VWA3B: variants seen among roughly 807,000 people sequenced by gnomAD.
VWA3B encodes von Willebrand factor A domain-containing protein 3B.
VWA3B carries 138 observed loss-of-function variants against 158.3 expected under a neutral mutation model. That is an observed-to-expected ratio of 0.87 (90% CI 0.76 to 1.00). VWA3B has a LOEUF of 1.00. VWA3B is among the 50% of genes least tolerant of loss of function. VWA3B has a pLI of 0.00. For missense variants in VWA3B, 1,555 were observed against 1,565.1 expected (o/e 0.99, Z 0.11); for synonymous variants, 596 against 587.3 (o/e 1.01, Z -0.21).
intron 12 of VWA3B, chr2:98,207,003 A>T (rs1683077330): frequency 2.0e-6 from 1 of 490,502 alleles, no homozygotes; most frequent in Non-Finnish European, 4.1e-6. Context: ...CTCTGACTGG[A>T]CTGACTGTGG....
chr2:98,318,769 T>C, the VWA3B span, among the ~76,000 whole-genome samples: 2 of 152,154 alleles, frequency 1.3e-5, no homozygotes, highest in African/African-American at 4.8e-5. Context: ...GAAAGGCAAA[T>C]GGACTAGGTG....
At position 98,228,221 on chromosome 2, in the gene VWA3B, T is replaced by C. The variant is rs1157320652; in HGVS notation, c.2039T>C (p.Leu680Ser). ...TGGCAGAATGAAGATCTGACTCTTT[T>C]AGTTAAGGAAATGGAACAGGGTCAC... ...EAVQNEDLTL[L>S]VKEMEQGHSD... Residue 680 changes from leucine (L) to serine (S), a missense_variant, in exon 15 of 28, where the codon TTA becomes TCA. By Grantham distance (145) the Leu-to-Ser change is moderately radical. Coordinates refer to ENST00000477737, the MANE Select transcript of VWA3B (RefSeq NM_144992.5). The C allele has an allele frequency of 1.9e-6, 3 of 1,613,134 alleles. No homozygotes were observed. The highest frequency in any genetic ancestry group is 2.5e-6 in the Non-Finnish European group (3 of 1,179,696).
chr2:98,272,781 C>T lies in VWA3B; in HGVS notation c.3045+1898C>T, dbSNP rs142176286. On this transcript the variant is annotated intron_variant, in intron 22 of 27. Coordinates refer to ENST00000477737, the MANE Select transcript of VWA3B (RefSeq NM_144992.5). ...ATATGCCATGTAAATATATATATGC[C>T]ATAATACCACAAGCTGGCTAGACCA... Among the ~76,000 whole-genome samples, 812 of 152,214 alleles carry T rather than the reference C, an allele frequency of 5.3e-3. 8 individuals are homozygous for T. Among genetic ancestry groups the T allele is most frequent in the African/African-American group, 0.017 (691 of 41,526 alleles).
chr2:98,211,881 A>C, intron 12 of VWA3B, 49 bp from the exon 13 acceptor site: 1 of 1,506,778 alleles, frequency 6.6e-7, no homozygotes, highest in South Asian at 1.2e-5. Context: ...TTGTTTGTGA[A>C]TTCTTTTTTG....
At position 98,298,021 on chromosome 2, in the gene VWA3B, C is replaced by T. The variant is rs377632797; in HGVS notation, c.3272C>T (p.Pro1091Leu). ...ITPVGGAMPCPLLQVGDYVFA... is the reference protein window; with the variant it reads ...ITPVGGAMPCLLLQVGDYVFA... ...CCTGTGGGGGGCGCCATGCCCTGCC[C>T]GCTGCTCCAGGTACCCAGTCCCTGA... Residue 1091 changes from proline (P) to leucine (L), a missense_variant, in exon 24 of 28, where the codon CCG becomes CTG. Transcript: ENST00000477737. The T allele has an allele frequency of 3.2e-5, 50 of 1,561,642 alleles. 1 individual carries two copies. Among genetic ancestry groups the T allele is most frequent in the Middle Eastern group, 1.8e-4 (1 of 5,644 alleles).
rs963963449 is a variant in VWA3B at position 98,098,984 on chromosome 2, TTAACTC to T, written c.196+5699_196+5704del. On this transcript the variant is annotated intron_variant, in intron 2 of 27. Transcript: ENST00000477737. The stretch of plus-strand genomic sequence containing the variant: ...TTTGATCACAAAAACCTTCTAAACT[TTAACTC>T]TATCCCCCAATTTTGAATTTTTGAT... Among the ~76,000 whole-genome samples the T allele has an allele frequency of 3.9e-5, 6 of 152,284 alleles. No individual in the cohort carries two copies. In the South Asian group the frequency reaches 6.2e-4, roughly 16 times the overall value.
intron 22 of VWA3B, among the ~76,000 whole-genome samples, chr2:98,282,296 C>T (rs1482533846): frequency 6.6e-6 from 1 of 151,232 alleles, no homozygotes; most frequent in Non-Finnish European, 1.5e-5. Context: ...CTGACTGTGC[C>T]ATGATGCAAA....
chr2:98,177,560 C>A (rs1300798654), intron 8 of VWA3B, among the ~76,000 whole-genome samples: 4 of 151,984 alleles, frequency 2.6e-5, no homozygotes, highest in Non-Finnish European at 5.9e-5. Context: ...AAAAGATTTC[C>A]CTCCTTTTTT....
At chr2:98,268,384 A>G (rs1687986062) in intron 21 of VWA3B, among the ~76,000 whole-genome samples, 1 of 152,170 alleles carries the variant, frequency 6.6e-6, no homozygotes, top group African/African-American at 2.4e-5. Context: ...GGCTGGTTCA[A>G]TATATGCAAA....
Position 98,312,485 on chromosome 2 carries a change from CAA to C in VWA3B, c.*138_*139del. ...CCGCCTATGCCTGCCCTGTCTGTAGCAAAGACTCCTCTCCCCTCCATCCCTGC... is the reference window on the plus strand; with the variant it reads ...CCGCCTATGCCTGCCCTGTCTGTAGCAGACTCCTCTCCCCTCCATCCCTGC... On this transcript the variant is annotated 3_prime_UTR_variant, in exon 28 of 28. Transcript: ENST00000477737. 9.1e-7 allele frequency: 1 copy of C among 1,093,470 alleles called. No individual in the cohort carries two copies. Among genetic ancestry groups the C allele is most frequent in the Non-Finnish European group, 1.3e-6 (1 of 788,050 alleles). The allele number at this position is 1,093,470 out of a possible 1,614,324, so 67.7% of individuals were successfully genotyped here.
intron 23 of VWA3B, among the ~76,000 whole-genome samples, chr2:98,292,472 A>G (rs1161296594): frequency 6.6e-6 from 1 of 152,110 alleles, no homozygotes; most frequent in Non-Finnish European, 1.5e-5. Flanking sequence ...GAGAGTAAAT[A>G]TGGATCCCAG....
At chr2:98,230,569 C>T (rs1464978949) in intron 16 of VWA3B, among the ~76,000 whole-genome samples, 1 of 151,920 alleles carries the variant, frequency 6.6e-6, no homozygotes, top group Non-Finnish European at 1.5e-5. Context: ...GGTTTGATCA[C>T]GTGTATAGGT....
intron 21 of VWA3B, among the ~76,000 whole-genome samples, chr2:98,260,169 A>C (rs1687392695): frequency 6.6e-6 from 1 of 151,790 alleles, no homozygotes; most frequent in South Asian, 2.1e-4. Flanking sequence ...AAAATGTTAC[A>C]TGTGCACTTA....
intron 14 of VWA3B, among the ~76,000 whole-genome samples, chr2:98,219,131 A>G (rs1022809516): frequency 6.6e-6 from 1 of 152,210 alleles, no homozygotes; most frequent in African/African-American, 2.4e-5. Flanking sequence ...ACACAACCGA[A>G]TATTACTAGG....
chr2:98,172,007 G>T (rs1438010153), intron 8 of VWA3B, among the ~76,000 whole-genome samples: 3 of 152,242 alleles, frequency 2.0e-5, no homozygotes, highest in African/African-American at 7.2e-5. Context: ...CCAATGTCTA[G>T]GAGTGAATGT....
intron 7 of VWA3B, among the ~76,000 whole-genome samples, chr2:98,158,927 A>G (rs567837389): frequency 6.6e-6 from 1 of 152,252 alleles, no homozygotes; most frequent in African/African-American, 2.4e-5. Context: ...CCCCAGCACC[A>G]ATAGGACCCA....
intron 7 of VWA3B, among the ~76,000 whole-genome samples, chr2:98,158,643 G>A (rs1419342508): frequency 6.6e-6 from 1 of 151,784 alleles, no homozygotes; most frequent in Admixed American, 6.6e-5. Flanking sequence ...AGAGGATGGA[G>A]TCTAGTGGTG....
chr2:98,146,977 T>C (rs1273428639), intron 7 of VWA3B, among the ~76,000 whole-genome samples: 1 of 152,216 alleles, frequency 6.6e-6, no homozygotes, highest in Admixed American at 6.5e-5. Context: ...TTATGTGGCA[T>C]ACATTATGTT....
chr2:98,329,700 A>G, the VWA3B span, among the ~76,000 whole-genome samples: 1 of 152,200 alleles, frequency 6.6e-6, no homozygotes. Flanking sequence ...TATCTTGTAG[A>G]TGGGATTGAG....
Sources: allele counts gnomAD v4.1 joint callset (sites outside exome capture counted in the v4.1 genomes callset), GRCh38; gene constraint gnomAD v4.1.1; transcripts MANE v1.5; gene names NCBI Gene and HGNC (gene_info 2026-07-23, HGNC 2026-07-21).